NFIB: variants seen among roughly 807,000 people sequenced by gnomAD.
The protein encoded by NFIB is nuclear factor 1 B-type.
Under a neutral mutation model 61.5 loss-of-function variants are expected in NFIB, and 11 were observed. That is an observed-to-expected ratio of 0.18 (90% confidence interval 0.11 to 0.30). The LOEUF is 0.30. Ranked by LOEUF, NFIB falls within the 10% of genes least tolerant of loss-of-function variation. NFIB has a pLI of 1.00. For missense variants in NFIB, 471 were observed against 608.9 expected (o/e 0.77, Z 2.38); for synonymous variants, 260 against 216.5 (o/e 1.20, Z -1.76).
At chr9:14,280,393 T>C (rs1484959913) in intron 2 of NFIB, among the ~76,000 whole-genome samples, 4 of 152,130 alleles carry the variant, frequency 2.6e-5, no homozygotes, top group South Asian at 4.1e-4. Flanking sequence ...GTATCTACAT[T>C]CACCACCCCC....
chr9:14,195,046 T>C (rs2048328623), intron 2 of NFIB, among the ~76,000 whole-genome samples: 2 of 152,138 alleles, frequency 1.3e-5, no homozygotes, highest in Non-Finnish European at 2.9e-5. Context: ...ATCCTATTCT[T>C]CTAGGCTTGC....
At chr9:14,446,091 G>A in the NFIB span, among the ~76,000 whole-genome samples, 1 of 152,180 alleles carries the variant, frequency 6.6e-6, no homozygotes, top group South Asian at 2.1e-4. Flanking sequence ...TGAGATAGGT[G>A]CTTTCAGACT....
intron 10 of NFIB, among the ~76,000 whole-genome samples, chr9:14,090,713 G>A (rs79630335): frequency 2.0e-5 from 3 of 152,008 alleles, no homozygotes. Context: ...AAAATACAAT[G>A]TCAACAAGCA....
chr9:14,386,592 C>G (rs1370911378), intron 1 of NFIB, among the ~76,000 whole-genome samples: 1 of 140,894 alleles, frequency 7.1e-6, no homozygotes, highest in East Asian at 2.2e-4. Context: ...CACAGAGGAA[C>G]TCATGAGAGC....
intron 6 of NFIB, among the ~76,000 whole-genome samples, chr9:14,138,110 C>G (rs574857647): frequency 9.9e-5 from 15 of 152,090 alleles, no homozygotes; most frequent in Non-Finnish European, 1.3e-4. Flanking sequence ...TACTTATGAT[C>G]TGCATGATCT....
chr9:14,354,213 G>C (rs115702548), intron 1 of NFIB, among the ~76,000 whole-genome samples: 1,877 of 152,196 alleles, frequency 0.012, 44 homozygotes, highest in African/African-American at 0.043. Context: ...CTAATTGTGA[G>C]CAAAGATTTT....
At chr9:14,384,714 T>A (rs1365002041) in intron 1 of NFIB, among the ~76,000 whole-genome samples, 1 of 152,184 alleles carries the variant, frequency 6.6e-6, no homozygotes, top group African/African-American at 2.4e-5. Context: ...GGTAATCCCA[T>A]ACCATCATTC....
chr9:14,124,087 T>C (rs535954121), intron 7 of NFIB, among the ~76,000 whole-genome samples: 1 of 152,320 alleles, frequency 6.6e-6, no homozygotes, highest in African/African-American at 2.4e-5. Context: ...ACGATCTTTC[T>C]GAACAAGATG....
chr9:14,306,853 GACACCCTACT>G, intron 2 of NFIB, 126 bp downstream of exon 2: 1 of 1,030,362 alleles, frequency 9.7e-7, no homozygotes, highest in East Asian at 2.4e-5. Context: ...AGTGAAAGCG[GACACCCTACT>G]ATACCCAGAG....
intron 1 of NFIB, among the ~76,000 whole-genome samples, chr9:14,377,194 T>G (rs1240754779): frequency 6.6e-6 from 1 of 152,208 alleles, no homozygotes. Context: ...TTCTTTTGTT[T>G]CACCCAAATG....
intron 2 of NFIB, among the ~76,000 whole-genome samples, chr9:14,194,741 T>C (rs542893426): frequency 1.3e-5 from 2 of 152,096 alleles, no homozygotes; most frequent in Admixed American, 6.6e-5. Flanking sequence ...GGCTGAGAAA[T>C]AGGTTGAAAC....
intron 2 of NFIB, among the ~76,000 whole-genome samples, chr9:14,231,530 A>C (rs1342758262): frequency 6.6e-6 from 1 of 152,152 alleles, no homozygotes; most frequent in Non-Finnish European, 1.5e-5. Flanking sequence ...GATTGCATAG[A>C]AAGAAAAGTG....
At chr9:14,501,791 A>T in the NFIB span, among the ~76,000 whole-genome samples, 1 of 152,222 alleles carries the variant, frequency 6.6e-6, no homozygotes, top group Admixed American at 6.5e-5. Context: ...AGATGACAAT[A>T]GCACCAGAGA....
intron 10 of NFIB, chr9:14,096,499 T>G (rs987129021): frequency 6.6e-6 from 1 of 151,600 alleles, no homozygotes; most frequent in Non-Finnish European, 1.5e-5. Context: ...CAGGATCATC[T>G]CATTTTGGTC....
At chr9:14,105,058 T>C (rs151087634) in intron 10 of NFIB, among the ~76,000 whole-genome samples, 1 of 152,138 alleles carries the variant, frequency 6.6e-6, no homozygotes, top group Non-Finnish European at 1.5e-5. Flanking sequence ...ATGAGTTAGT[T>C]TTTTTGTTGT....
intron 1 of NFIB, among the ~76,000 whole-genome samples, chr9:14,336,733 C>G (rs10961480): frequency 1.6e-4 from 19 of 118,508 alleles, no homozygotes; most frequent in Non-Finnish European, 2.7e-4. Context: ...GTCACCACAT[C>G]GAAACACTTT....
At chr9:14,238,269 G>A (rs1276614956) in intron 2 of NFIB, among the ~76,000 whole-genome samples, 3 of 152,106 alleles carry the variant, frequency 2.0e-5, no homozygotes, top group African/African-American at 7.2e-5. Flanking sequence ...GAAAGGGCAG[G>A]CAGAGTGACT....
upstream of NFIB, among the ~76,000 whole-genome samples, chr9:14,315,818 C>G (rs2060521603): frequency 6.6e-6 from 1 of 151,864 alleles, no homozygotes; most frequent in African/African-American, 2.4e-5. Flanking sequence ...CAAAGGCCTC[C>G]CAGACAATGG....
intron 1 of NFIB, among the ~76,000 whole-genome samples, chr9:14,332,314 C>A (rs1472776854): frequency 8.3e-6 from 1 of 120,164 alleles, no homozygotes; most frequent in Non-Finnish European, 1.6e-5. Context: ...GCCTGGGCAA[C>A]AGAGCGAGAC....
Sources: allele counts gnomAD v4.1 joint callset (sites outside exome capture counted in the v4.1 genomes callset), GRCh38; gene constraint gnomAD v4.1.1; transcripts MANE v1.5; gene names NCBI Gene and HGNC (gene_info 2026-07-23, HGNC 2026-07-21).